ARFIP1: variants seen among roughly 807,000 people sequenced by gnomAD.
The protein encoded by ARFIP1 is arfaptin-1.
ARFIP1 carries 24 observed loss-of-function variants against 42.5 expected under a neutral mutation model. The observed-to-expected ratio is 0.57, with a 90% CI of 0.41 to 0.80. The LOEUF is 0.80. Among genes scored for constraint, ARFIP1 ranks in the 30% least tolerant of loss-of-function variants. The probability of loss-of-function intolerance (pLI) is 0.00; values close to 1 mark genes in which losing one functional copy is unlikely to be tolerated. For missense variants in ARFIP1, 354 were observed against 434.0 expected (o/e 0.82, Z 1.64); for synonymous variants, 141 against 153.7 (o/e 0.92, Z 0.61).
Position 152,829,686 on chromosome 4 carries a change from A to G in ARFIP1, c.53A>G (p.Asn18Ser), listed in dbSNP as rs772544773. 7 of 1,612,310 alleles carry G rather than the reference A, an allele frequency of 4.3e-6. No homozygotes were observed. Among genetic ancestry groups the G allele is most frequent in the Non-Finnish European group, 5.9e-6 (7 of 1,178,912 alleles). ...GCAGCAGAAATTCCAGTGACTAGTA[A>G]TGGAGAAGTTGATGACTCTCGTGAA... ...NSAAEIPVTS[N>S]GEVDDSREHS... Residue 18 changes from asparagine (N) to serine (S), a missense_variant, in exon 2 of 9, where the codon AAT becomes AGT. By Grantham distance (46) the Asn-to-Ser change is conservative (BLOSUM62 1). Coordinates refer to ENST00000353617, the MANE Select transcript of ARFIP1 (RefSeq NM_001025595.3).
chr4:152,907,747 C>T (rs1188043160), intron 8 of ARFIP1, among the ~76,000 whole-genome samples: 1 of 152,128 alleles, frequency 6.6e-6, no homozygotes, highest in Non-Finnish European at 1.5e-5. Flanking sequence ...TATAGTATCC[C>T]CATTGCGTTG....
chr4:152,811,618 C>T (rs1340580225), intron 1 of ARFIP1, among the ~76,000 whole-genome samples: 1 of 152,088 alleles, frequency 6.6e-6, no homozygotes, highest in Non-Finnish European at 1.5e-5. Context: ...AGAAGTGAAG[C>T]CCGAAAAGTT....
intron 1 of ARFIP1, among the ~76,000 whole-genome samples, chr4:152,809,518 A>T (rs894550235): frequency 6.6e-6 from 1 of 152,222 alleles, no homozygotes; most frequent in Non-Finnish European, 1.5e-5. Context: ...TAGTTCTGAG[A>T]TGCAGAGGGT....
chr4:152,907,648 C>A (rs1738480110), intron 8 of ARFIP1, among the ~76,000 whole-genome samples: 1 of 152,192 alleles, frequency 6.6e-6, no homozygotes, highest in African/African-American at 2.4e-5. Flanking sequence ...CTACCACAGG[C>A]ATTCTGCAAG....
At chr4:152,889,517 A>T (rs1199661348) in intron 8 of ARFIP1, among the ~76,000 whole-genome samples, 6 of 83,670 alleles carry the variant, frequency 7.2e-5, no homozygotes, top group Admixed American at 1.7e-4. Flanking sequence ...ATATATATAT[A>T]TATATATATA....
At chr4:152,893,589 G>A (rs1239148036) in intron 8 of ARFIP1, among the ~76,000 whole-genome samples, 2 of 151,968 alleles carry the variant, frequency 1.3e-5, no homozygotes, top group East Asian at 3.8e-4. Flanking sequence ...GCAGTTTGGG[G>A]TATAAATATA....
intron 1 of ARFIP1, among the ~76,000 whole-genome samples, chr4:152,804,837 A>G (rs182572791): frequency 6.6e-6 from 1 of 152,194 alleles, no homozygotes; most frequent in East Asian, 1.9e-4. Context: ...TATGGTGAGT[A>G]CTCATTAAAT....
chr4:152,859,339 G>T (rs967036497), intron 2 of ARFIP1, among the ~76,000 whole-genome samples: 2 of 152,202 alleles, frequency 1.3e-5, no homozygotes, highest in Non-Finnish European at 2.9e-5. Flanking sequence ...TGGGATTACA[G>T]GTGTGAGCCA....
At chr4:152,798,980 A>G (rs1731640870) in intron 1 of ARFIP1, among the ~76,000 whole-genome samples, 1 of 152,234 alleles carries the variant, frequency 6.6e-6, no homozygotes, top group Admixed American at 6.5e-5. Context: ...GGGAGATCTG[A>G]GTTCTGGTCT....
chr4:152,889,539 C>CTATATATATATA (rs1736564759), intron 8 of ARFIP1, among the ~76,000 whole-genome samples: 1 of 55,884 alleles, frequency 1.8e-5, no homozygotes, highest in African/African-American at 6.3e-5. Context: ...ATATATACAC[C>CTATATATATATA]TATTTTTGTG....
At chr4:152,857,919 C>CT (rs1476731192) in intron 2 of ARFIP1, among the ~76,000 whole-genome samples, 2 of 152,160 alleles carry the variant, frequency 1.3e-5, no homozygotes, top group Non-Finnish European at 2.9e-5. Flanking sequence ...ATCTGTTTTT[C>CT]TTTCACTGCC....
At chr4:152,866,998 C>T (rs932145342) in intron 3 of ARFIP1, among the ~76,000 whole-genome samples, 5 of 151,202 alleles carry the variant, frequency 3.3e-5, no homozygotes, top group Non-Finnish European at 7.4e-5. Context: ...CAGAGACGCT[C>T]CTCACTTTCC....
chr4:152,883,897 G>A lies in ARFIP1; in HGVS notation c.791+1017G>A, dbSNP rs549045950. Among the ~76,000 whole-genome samples the A allele has an allele frequency of 1.3e-3, 200 of 151,564 alleles. 1 individual carries two copies. The highest frequency in any genetic ancestry group is 4.7e-3 in the African/African-American group (193 of 41,338). On this transcript the variant is annotated intron_variant, in intron 7 of 8. Transcript: ENST00000353617. ...ATTATACTTTTTATGCATAGTTGAA[G>A]ATAAACTTTACCTTTTAGAAGGATA...
In ARFIP1 at chr4:152,911,650, G is replaced by A. The variant is rs1738857409; in HGVS notation, c.*1431G>A. Reference sequence around the variant, plus strand: ...AAAATTACCGTTATACATGAACTTTGTGGACTGTAAGATTTGTTATATATG... The same window carrying A: ...AAAATTACCGTTATACATGAACTTTATGGACTGTAAGATTTGTTATATATG... On this transcript the variant is annotated 3_prime_UTR_variant, in exon 9 of 9. Coordinates refer to ENST00000353617, the MANE Select transcript of ARFIP1 (RefSeq NM_001025595.3). 1 of 152,580 alleles carries A rather than the reference G, an allele frequency of 6.6e-6. No homozygotes were observed. Among genetic ancestry groups the A allele is most frequent in the Non-Finnish European group, 1.5e-5 (1 of 68,006 alleles). The allele number at this position is 152,580 out of a possible 1,614,324, so 9.5% of individuals were successfully genotyped here.
intron 1 of ARFIP1, among the ~76,000 whole-genome samples, chr4:152,781,129 A>G (rs1264229545): frequency 6.6e-6 from 1 of 151,952 alleles, no homozygotes; most frequent in Non-Finnish European, 1.5e-5. Flanking sequence ...GGGTGTGTTC[A>G]TGTTTGCCAT....
intron 2 of ARFIP1, among the ~76,000 whole-genome samples, chr4:152,832,270 A>G (rs1322867284): frequency 6.6e-6 from 1 of 152,204 alleles, no homozygotes. Flanking sequence ...ATACATTTCA[A>G]TTTTAGCCAT....
Position 152,886,240 on chromosome 4 carries a change from G to A in ARFIP1, c.792-1893G>A, listed in dbSNP as rs1314949188. Among the ~76,000 whole-genome samples the A allele has an allele frequency of 2.0e-5, 3 of 151,960 alleles. No homozygotes were observed. The East Asian group carries it at 5.8e-4, about 29-fold the overall frequency. On this transcript the variant is annotated intron_variant, in intron 7 of 8. Coordinates refer to ENST00000353617, the MANE Select transcript of ARFIP1 (RefSeq NM_001025595.3). ...TCCTCCATCTCTTACACTACCACCAGGGTCATCTTTCTATCCTGATACAAT... is the reference window on the plus strand; with the variant it reads ...TCCTCCATCTCTTACACTACCACCAAGGTCATCTTTCTATCCTGATACAAT...
intron 1 of ARFIP1, among the ~76,000 whole-genome samples, chr4:152,818,618 G>A (rs1268587513): frequency 2.6e-5 from 4 of 152,218 alleles, no homozygotes; most frequent in African/African-American, 9.6e-5. Context: ...AACAGTAAGT[G>A]TGCTGTAGCC....
intron 8 of ARFIP1, among the ~76,000 whole-genome samples, chr4:152,889,302 C>T (rs1736524753): frequency 6.6e-6 from 1 of 151,294 alleles, no homozygotes; most frequent in African/African-American, 2.4e-5. Flanking sequence ...TCTTTGGGAT[C>T]CACCTAGTCC....
Sources: gnomAD v4.1 joint callset for allele counts (sites outside exome capture counted in the v4.1 genomes callset) on GRCh38, gnomAD v4.1.1 for gene constraint, MANE v1.5 for transcripts, NCBI Gene and HGNC (gene_info 2026-07-23, HGNC 2026-07-21) for gene names.